Variants in PEBP4 observed in about 807,000 individuals in gnomAD.
PEBP4 encodes the protein phosphatidylethanolamine binding protein 4, also known as phosphatidylethanolamine-binding protein 4.
A neutral mutation model predicts 23.9 loss-of-function variants in PEBP4; 22 were observed. That is an observed-to-expected ratio of 0.92 (90% CI 0.66 to 1.31). The LOEUF (loss-of-function observed/expected upper bound fraction) is 1.31, where lower values mean the gene tolerates loss of function less well. PEBP4 is among the 40% of genes most tolerant of loss of function. The pLI is 0.00. For missense variants in PEBP4, 324 were observed against 281.7 expected (o/e 1.15, Z -1.07); for synonymous variants, 112 against 99.3 (o/e 1.13, Z -0.76).
Position 22,857,980 on chromosome 8 carries a change from C to A in PEBP4, c.259-40245G>T, listed in dbSNP as rs189680194. On this transcript the variant is annotated intron_variant, in intron 3 of 6. Coordinates refer to ENST00000256404, the MANE Select transcript of PEBP4 (RefSeq NM_144962.3). ...GATGCTTCACGGACCGTCCATGGGG[C>A]AAACTCTTAGTTGTTAACCCAACCA... Among the ~76,000 whole-genome samples the A allele has an allele frequency of 3.2e-4, 49 of 152,310 alleles. No homozygotes were observed. In the East Asian group the frequency reaches 7.3e-3, roughly 23 times the overall value.
At chr8:22,875,488 C>T (rs147578465) in intron 3 of PEBP4, among the ~76,000 whole-genome samples, 1 of 152,280 alleles carries the variant, frequency 6.6e-6, no homozygotes, top group East Asian at 1.9e-4. Flanking sequence ...CCTTCCCCCT[C>T]AAATAGATCC....
chr8:22,835,960 A>G (rs1042718821), intron 3 of PEBP4, among the ~76,000 whole-genome samples: 3 of 152,254 alleles, frequency 2.0e-5, no homozygotes, highest in South Asian at 4.1e-4. Flanking sequence ...TGAGGGAGAC[A>G]GACGTGTAAA....
intron 3 of PEBP4, among the ~76,000 whole-genome samples, chr8:22,872,969 G>A (rs1808038256): frequency 6.6e-6 from 1 of 152,096 alleles, no homozygotes; most frequent in African/African-American, 2.4e-5. Flanking sequence ...GAGCCACCAC[G>A]CCCAGCCTAA....
chr8:22,938,394 T>A (rs1191615467), intron 1 of PEBP4, among the ~76,000 whole-genome samples: 3 of 152,238 alleles, frequency 2.0e-5, no homozygotes, highest in African/African-American at 4.8e-5. Flanking sequence ...CACCTTCATG[T>A]GCTATTTAAA....
chr8:22,770,599 C>A (rs904248291), intron 4 of PEBP4, among the ~76,000 whole-genome samples: 2 of 152,230 alleles, frequency 1.3e-5, no homozygotes, highest in Admixed American at 1.3e-4. Flanking sequence ...CCAGGTTATT[C>A]ATTGTGACTG....
intron 4 of PEBP4, among the ~76,000 whole-genome samples, chr8:22,753,939 T>C (rs1395972290): frequency 6.6e-6 from 1 of 152,070 alleles, no homozygotes; most frequent in African/African-American, 2.4e-5. Context: ...TGATTCTACA[T>C]GTTTGATAGG....
At chr8:22,825,761 A>T (rs1401910323) in intron 3 of PEBP4, among the ~76,000 whole-genome samples, 2 of 152,236 alleles carry the variant, frequency 1.3e-5, no homozygotes, top group African/African-American at 2.4e-5. Flanking sequence ...AGCACTATTC[A>T]CAATAGCCAG....
In PEBP4 at chr8:22,775,458, G is replaced by A. The variant is rs1458315955; in HGVS notation, c.357+42179C>T. On this transcript the variant is annotated intron_variant, in intron 4 of 6. Coordinates refer to ENST00000256404, the MANE Select transcript of PEBP4 (RefSeq NM_144962.3). The surrounding 1 kb of genome is among the most constrained non-coding windows in gnomAD (Gnocchi z 4.8). ...TGCCGGGAGGGGTGCGCAGGGGCCC[G>A]TGGGTGGTGTTCACGTATGGAGGGG... Among the ~76,000 whole-genome samples, 1 of 152,176 alleles carries A rather than the reference G, an allele frequency of 6.6e-6. No homozygotes were observed. Among genetic ancestry groups the A allele is most frequent in the Non-Finnish European group, 1.5e-5 (1 of 68,016 alleles).
intron 4 of PEBP4, among the ~76,000 whole-genome samples, chr8:22,771,334 C>A (rs2128754011): frequency 6.6e-6 from 1 of 152,200 alleles, no homozygotes; most frequent in South Asian, 2.1e-4. Flanking sequence ...ACTAAAAATA[C>A]AAAAATTAGT....
At chr8:22,925,187 T>A in intron 2 of PEBP4, 1 of 985,426 alleles carries the variant, frequency 1.0e-6, no homozygotes, top group Non-Finnish European at 1.2e-6. Flanking sequence ...ACAAAGCTCC[T>A]CTTTTGCGAT....
chr8:22,801,599 T>A (rs890770580), intron 4 of PEBP4, among the ~76,000 whole-genome samples: 9 of 152,074 alleles, frequency 5.9e-5, no homozygotes, highest in Non-Finnish European at 1.2e-4. Flanking sequence ...GATGAAGGAT[T>A]TTTTGGGGAG....
chr8:22,927,247 G>A (rs898294154), intron 2 of PEBP4, among the ~76,000 whole-genome samples: 1 of 152,010 alleles, frequency 6.6e-6, no homozygotes, highest in Admixed American at 6.6e-5. Flanking sequence ...AGGCTGCAGG[G>A]AGGGATGGTC....
upstream of PEBP4, among the ~76,000 whole-genome samples, chr8:22,932,059 C>A (rs1461896491): frequency 6.6e-6 from 1 of 152,254 alleles, no homozygotes; most frequent in Non-Finnish European, 1.5e-5. Context: ...CTCTCAGTAT[C>A]CTGTGCCTTC....
At chr8:22,733,966 G>A (rs2128749680) in intron 4 of PEBP4, among the ~76,000 whole-genome samples, 1 of 152,272 alleles carries the variant, frequency 6.6e-6, no homozygotes, top group East Asian at 1.9e-4. Flanking sequence ...GCACTTGAGG[G>A]TGGGAAGGAA....
chr8:22,918,150 A>G (rs1809117972), intron 3 of PEBP4, among the ~76,000 whole-genome samples: 1 of 152,234 alleles, frequency 6.6e-6, no homozygotes, highest in Admixed American at 6.5e-5. Flanking sequence ...GTGCCCAGGA[A>G]TGGAATAAGG....
intron 4 of PEBP4, among the ~76,000 whole-genome samples, chr8:22,797,991 G>A (rs1806300803): frequency 6.6e-6 from 1 of 152,152 alleles, no homozygotes; most frequent in South Asian, 2.1e-4. Context: ...AAGTGCTCTG[G>A]GACAACTAGG....
At chr8:22,876,395 GT>G (rs34539300) in intron 3 of PEBP4, among the ~76,000 whole-genome samples, 22,523 of 152,228 alleles carry the variant, frequency 0.15, 2,133 homozygotes, top group Middle Eastern at 0.21. Flanking sequence ...CATCCAGTGT[GT>G]GTTGAAGGAC....
At chr8:22,889,637 A>G (rs538683263) in intron 3 of PEBP4, among the ~76,000 whole-genome samples, 4 of 152,316 alleles carry the variant, frequency 2.6e-5, no homozygotes, top group African/African-American at 9.6e-5. Context: ...CAAGCAGACA[A>G]CCTCTATCAA....
chr8:22,780,446 C>G (rs1443622165), intron 4 of PEBP4, among the ~76,000 whole-genome samples: 1 of 152,146 alleles, frequency 6.6e-6, no homozygotes, highest in African/African-American at 2.4e-5. Flanking sequence ...TCTCCCCTCC[C>G]TAAGCACACA....
Sources: gnomAD v4.1 joint callset for allele counts (sites outside exome capture counted in the v4.1 genomes callset) on GRCh38, gnomAD v4.1.1 for gene constraint, Gnocchi (gnomAD v3.1) non-coding constraint, MANE v1.5 for transcripts, NCBI Gene and HGNC (gene_info 2026-07-23, HGNC 2026-07-21) for gene names.